The following FBP2 variants were observed in gnomAD, a reference collection of about 807,000 sequenced individuals.
FBP2 encodes fructose-1,6-bisphosphatase isozyme 2.
FBP2 carries 27 observed loss-of-function variants against 31.6 expected under a neutral mutation model. That is an observed-to-expected ratio of 0.85 (90% confidence interval 0.63 to 1.18). FBP2 has a LOEUF of 1.18. Among genes scored for constraint, FBP2 ranks in the 50% most tolerant of loss-of-function variants. The probability of loss-of-function intolerance (pLI) is 0.00; values close to 1 mark genes in which losing one functional copy is unlikely to be tolerated. For missense variants in FBP2, 421 were observed against 436.1 expected, an observed-to-expected ratio of 0.97 and a Z score of 0.31; for synonymous variants, 168 against 179.8, an observed-to-expected ratio of 0.93 and a Z score of 0.53.
At chr9:94,559,501 G>A (rs1827062176) in intron 6 of FBP2, among the ~76,000 whole-genome samples, 3 of 150,530 alleles carry the variant, frequency 2.0e-5, no homozygotes, top group African/African-American at 7.5e-5. Context: ...GCCTTTATAT[G>A]TGAGACCTCA....
intron 3 of FBP2, chr9:94,572,832 A>G (rs1827283277): frequency 6.6e-6 from 1 of 152,268 alleles, no homozygotes; most frequent in Admixed American, 6.5e-5. Context: ...GTGATTGTAA[A>G]TAGCACATAT....
In FBP2 at chr9:94,563,428, C is replaced by T. The variant is rs764373994; in HGVS notation, c.739G>A (p.Gly247Ser). 1 of 1,613,842 alleles carries T rather than the reference C, an allele frequency of 6.2e-7. No homozygotes were observed. Among genetic ancestry groups the T allele is most frequent in the Non-Finnish European group, 8.5e-7 (1 of 1,179,930 alleles). The change falls in exon 6 of 7, where the codon GGC becomes AGC. Residue 247 changes from glycine to serine, a missense_variant. Physicochemically the swap from Gly to Ser is moderately conservative, Grantham distance 56. Coordinates refer to ENST00000375337, the MANE Select transcript of FBP2 (RefSeq NM_003837.4). Reference protein sequence around the residue: ...GSAPYGARYVGSMVADVHRTL... With the variant: ...GSAPYGARYVSSMVADVHRTL... ...CGGTGCACGTCAGCCACCATGGAGCCCACATACCTGGCCCCATAGGGAGCA... is the reference window on the plus strand; with the variant it reads ...CGGTGCACGTCAGCCACCATGGAGCTCACATACCTGGCCCCATAGGGAGCA...
In FBP2 at chr9:94,559,175, C is replaced by T. The variant is rs182201996; in HGVS notation, c.826-43G>A. ...CAGGTGAGTAAACTCTGCAAGTGGCCAAATGTCCCGAGCCATGCCCCTAAA... is the reference window on the plus strand; with the variant it reads ...CAGGTGAGTAAACTCTGCAAGTGGCTAAATGTCCCGAGCCATGCCCCTAAA... On this transcript the variant is annotated intron_variant, in intron 6 of 6. Coordinates refer to ENST00000375337, the MANE Select transcript of FBP2 (RefSeq NM_003837.4). 30 of 1,563,106 alleles carry T rather than the reference C, an allele frequency of 1.9e-5. No individual in the cohort carries two copies. The East Asian group carries it at 6.3e-4, about 33-fold the overall frequency.
Position 94,583,520 on chromosome 9 carries a change from G to A in FBP2, c.426+1057C>T, listed in dbSNP as rs1353127572. Among the ~76,000 whole-genome samples the A allele has an allele frequency of 1.3e-5, 2 of 152,158 alleles. 1 individual carries two copies. The highest frequency in any genetic ancestry group is 2.9e-5 in the Non-Finnish European group (2 of 68,036). On this transcript the variant is annotated intron_variant, in intron 3 of 6. Coordinates refer to ENST00000375337, the MANE Select transcript of FBP2 (RefSeq NM_003837.4). ...TTCCCTATCTCAAGACTCTGTAAGA[G>A]CACGGTTTAATCAACTTCCTAATAC...
intron 1 of FBP2, 52 bp from the exon 2 acceptor site, chr9:94,587,521 G>T (rs1305713838): frequency 6.4e-7 from 1 of 1,569,898 alleles, no homozygotes. Context: ...CTTAACTCCA[G>T]CAAAGAGCCT....
Position 94,571,499 on chromosome 9 carries a change from G to C in FBP2, c.530C>G (p.Ser177Cys), listed in dbSNP as rs554337531. 6.2e-7 allele frequency: 1 copy of C among 1,613,934 alleles called. No homozygotes were observed. Among genetic ancestry groups the C allele is most frequent in the Non-Finnish European group, 8.5e-7 (1 of 1,179,918 alleles). Residue 177 changes from serine (S) to cysteine (C), a missense_variant, in exon 4 of 7, where the codon TCC becomes TGC. Ser to Cys is a moderately radical substitution (Grantham distance 112). Transcript: ENST00000375337. ...LYGSATLVAL[S>C]TGQGVDLFML... ...GAAGAGGTCCACGCCTTGCCCTGTG[G>C]AGAGAGCCACCAGGGTTGCACTACC...
chr9:94,579,262 G>T (rs1303810287), intron 3 of FBP2, among the ~76,000 whole-genome samples: 1 of 149,950 alleles, frequency 6.7e-6, no homozygotes, highest in Non-Finnish European at 1.5e-5. Context: ...GCCGGGCGTG[G>T]TGCCGGGCGC....
intron 3 of FBP2, among the ~76,000 whole-genome samples, chr9:94,582,946 C>T (rs1827389126): frequency 6.6e-6 from 1 of 150,890 alleles, no homozygotes; most frequent in South Asian, 2.1e-4. Flanking sequence ...CCTCTGCCCC[C>T]GGGTTCAAGC....
chr9:94,574,950 A>AT (rs1283619065), intron 3 of FBP2, among the ~76,000 whole-genome samples: 1 of 152,096 alleles, frequency 6.6e-6, no homozygotes, highest in East Asian at 1.9e-4. Flanking sequence ...GCGTCTTTTT[A>AT]TTTTTTTCTA....
chr9:94,588,481 G>T (rs1220567830), intron 1 of FBP2, among the ~76,000 whole-genome samples: 1 of 152,086 alleles, frequency 6.6e-6, no homozygotes, highest in Non-Finnish European at 1.5e-5. Flanking sequence ...AAATTAGCTG[G>T]ATGTGGTGGC....
Position 94,563,477 on chromosome 9 carries a change from C to T in FBP2, c.706-16G>A, listed in dbSNP as rs770749332. The T allele has an allele frequency of 1.7e-5, 28 of 1,610,616 alleles. No homozygotes were observed. Among genetic ancestry groups the T allele is most frequent in the Admixed American group, 1.3e-4 (8 of 59,708 alleles). ...CACTGCCATCCTAGAAGACAGAAAG[C>T]GAAGAGACAAGATCCAGTGGCTTTC... On this transcript the variant is annotated splice_polypyrimidine_tract_variant and intron_variant, in intron 5 of 6. Transcript: ENST00000375337.
chr9:94,578,350 G>A (rs1827336819), intron 3 of FBP2, among the ~76,000 whole-genome samples: 1 of 151,898 alleles, frequency 6.6e-6, no homozygotes. Flanking sequence ...TGGTTAACAG[G>A]GAAATAACTT....
intron 1 of FBP2, among the ~76,000 whole-genome samples, chr9:94,587,795 G>C (rs898229920): frequency 6.6e-6 from 1 of 152,114 alleles, no homozygotes; most frequent in Non-Finnish European, 1.5e-5. Context: ...TGCCATAACT[G>C]AGGACTCCAA....
chr9:94,560,565 T>TA (rs1455219251), intron 6 of FBP2, among the ~76,000 whole-genome samples: 27 of 152,092 alleles, frequency 1.8e-4, no homozygotes, highest in African/African-American at 6.3e-4. Flanking sequence ...ATTATCACCT[T>TA]ACGAAATGGT....
intron 3 of FBP2, among the ~76,000 whole-genome samples, chr9:94,580,865 A>T (rs962832576): frequency 2.6e-5 from 4 of 152,168 alleles, no homozygotes; most frequent in Non-Finnish European, 5.9e-5. Flanking sequence ...TTTCATCTAA[A>T]GAAGGCATTG....
At chr9:94,593,025 G>T (rs1827518568) in intron 1 of FBP2, among the ~76,000 whole-genome samples, 1 of 152,172 alleles carries the variant, frequency 6.6e-6, no homozygotes, top group Admixed American at 6.5e-5. Flanking sequence ...GATAAAGAAA[G>T]AGTCACAGAG....
chr9:94,578,298 G>T (rs1367549796), intron 3 of FBP2, among the ~76,000 whole-genome samples: 1 of 152,070 alleles, frequency 6.6e-6, no homozygotes, highest in East Asian at 1.9e-4. Flanking sequence ...TTAACTTTGA[G>T]GTTCTTACTT....
chr9:94,580,257 A>G (rs1827361262), intron 3 of FBP2, among the ~76,000 whole-genome samples: 1 of 152,206 alleles, frequency 6.6e-6, no homozygotes, highest in Non-Finnish European at 1.5e-5. Flanking sequence ...TTGAGACAGA[A>G]TCTTGCTCTG....
intron 3 of FBP2, chr9:94,577,462 C>T (rs578063281): frequency 6.6e-6 from 1 of 152,280 alleles, no homozygotes; most frequent in South Asian, 2.1e-4. Flanking sequence ...AATGGTTAAC[C>T]TACACTGTGG....
Sources: gnomAD v4.1 joint callset for allele counts (sites outside exome capture counted in the v4.1 genomes callset) on GRCh38, gnomAD v4.1.1 for gene constraint, MANE v1.5 for transcripts, NCBI Gene and HGNC (gene_info 2026-07-23, HGNC 2026-07-21) for gene names.